The following FAM178B variants were observed in gnomAD, a reference collection of about 807,000 sequenced individuals.
FAM178B encodes the protein protein FAM178B.
In FAM178B, 82 loss-of-function variants were observed where a neutral mutation model predicts 91.7. That is an observed-to-expected ratio of 0.89 (90% CI 0.75 to 1.07). The LOEUF (loss-of-function observed/expected upper bound fraction) is 1.07, where lower values mean the gene tolerates loss of function less well. Among genes scored for constraint, FAM178B ranks in the 50% least tolerant of loss-of-function variants. The pLI, the probability that FAM178B is intolerant of heterozygous loss-of-function variation, is 0.00. For synonymous variants in FAM178B, 368 were observed against 359.4 expected (o/e 1.02, Z -0.27); for missense variants, 769 against 846.7 (o/e 0.91, Z 1.14).
chr2:96,945,559 C>T (rs1045443720), intron 8 of FAM178B, among the ~76,000 whole-genome samples: 4 of 152,042 alleles, frequency 2.6e-5, no homozygotes, highest in Admixed American at 6.5e-5. Context: ...CACGTGCGCG[C>T]GCACACACAA....
intron 9 of FAM178B, among the ~76,000 whole-genome samples, chr2:96,927,996 C>T (rs1428050406): frequency 6.6e-6 from 1 of 152,174 alleles, no homozygotes; most frequent in Non-Finnish European, 1.5e-5. Context: ...GCTGCGAGCT[C>T]CGGGAGGGAA....
At chr2:96,910,509 G>A (rs1249597864) in intron 12 of FAM178B, among the ~76,000 whole-genome samples, 4 of 152,202 alleles carry the variant, frequency 2.6e-5, no homozygotes, top group African/African-American at 9.6e-5. Context: ...CAGGGCTAAC[G>A]TTTTACTGTC....
rs55924441 is a variant in FAM178B, at chr2:96,958,697, T to TAAAAAA, written c.887+1585_887+1590dup. Among the ~76,000 whole-genome samples the TAAAAAA allele has an allele frequency of 4.7e-4, 26 of 55,534 alleles. 2 individuals are homozygous for TAAAAAA. Among genetic ancestry groups the TAAAAAA allele is most frequent in the East Asian group, 3.4e-3 (4 of 1,188 alleles). 36.4% of individuals were successfully genotyped at this position (55,534 alleles called of 152,430 possible). A position where few individuals can be genotyped will look rare whatever the true frequency, so the allele number is the denominator to read the frequency against. The stretch of plus-strand genomic sequence containing the variant: ...AGAGTGAGACTCCATCTCAAAATAC[T>TAAAAAA]AAAAAAAAAAAAAAAAAAAAAAAAA... On this transcript the variant is annotated intron_variant, in intron 6 of 16. Transcript: ENST00000490605.
chr2:96,935,174 AC>A lies in FAM178B; in HGVS notation c.1079-5855del, dbSNP rs879482047. Among the ~76,000 whole-genome samples, 551 of 152,260 alleles carry A rather than the reference AC, an allele frequency of 3.6e-3. 3 individuals are homozygous for A. The highest frequency in any genetic ancestry group is 0.013 in the African/African-American group (537 of 41,524). On this transcript the variant is annotated intron_variant, in intron 8 of 16. Transcript: ENST00000490605. Reference sequence around the variant, plus strand: ...AATGGAACAAAATTAAAACAAACAAACAAACAAAAACAAAAACAAAAGAAAA... The same window carrying A: ...AATGGAACAAAATTAAAACAAACAAAAAACAAAAACAAAAACAAAAGAAAA...
chr2:96,965,144 TACGCGTCACC>T (rs1218931877), intron 5 of FAM178B, among the ~76,000 whole-genome samples: 2 of 151,560 alleles, frequency 1.3e-5, no homozygotes, highest in Non-Finnish European at 2.9e-5. Context: ...GGATTACAGG[TACGCGTCACC>T]ACGCCCAGCT....
chr2:96,903,975 C>A (rs1236744031), intron 12 of FAM178B, among the ~76,000 whole-genome samples: 1 of 151,930 alleles, frequency 6.6e-6, no homozygotes, highest in Non-Finnish European at 1.5e-5. Flanking sequence ...CAGCACCGCA[C>A]CCCAGAAGAG....
At chr2:96,938,747 G>A (rs184210477) in intron 8 of FAM178B, among the ~76,000 whole-genome samples, 10 of 152,392 alleles carry the variant, frequency 6.6e-5, no homozygotes, top group Admixed American at 5.9e-4. Context: ...CCCATTGGGA[G>A]AGACAATATT....
intron 14 of FAM178B, among the ~76,000 whole-genome samples, chr2:96,891,399 G>C (rs2080675614): frequency 6.6e-6 from 1 of 152,238 alleles, no homozygotes; most frequent in Non-Finnish European, 1.5e-5. Context: ...GCAGAGGCTG[G>C]TCAGATGGCA....
chr2:96,934,670 G>A (rs1423668203), intron 8 of FAM178B, among the ~76,000 whole-genome samples: 1 of 152,200 alleles, frequency 6.6e-6, no homozygotes, highest in Admixed American at 6.5e-5. Flanking sequence ...TGAGAAAACC[G>A]TGTGTCTAGG....
intron 3 of FAM178B, among the ~76,000 whole-genome samples, chr2:96,971,587 T>A (rs961582331): frequency 5.9e-5 from 9 of 152,104 alleles, no homozygotes; most frequent in African/African-American, 2.2e-4. Flanking sequence ...CCCTCCTTGC[T>A]CCGGGGCCAT....
chr2:96,880,886 G>A (rs574884323), intron 14 of FAM178B, among the ~76,000 whole-genome samples: 9 of 152,178 alleles, frequency 5.9e-5, no homozygotes, highest in African/African-American at 1.7e-4. Flanking sequence ...GAGCCACCGC[G>A]CCCGGCTAAA....
At chr2:96,977,845 G>A (rs909496472) in intron 1 of FAM178B, 1 of 444,868 alleles carries the variant, frequency 2.2e-6, no homozygotes, top group Non-Finnish European at 4.4e-6. Context: ...AGCGTTGACG[G>A]TTTTTGCTGT....
intron 14 of FAM178B, among the ~76,000 whole-genome samples, chr2:96,882,809 G>C (rs949926207): frequency 6.6e-6 from 1 of 152,254 alleles, no homozygotes; most frequent in Non-Finnish European, 1.5e-5. Flanking sequence ...GTCTGAAGAC[G>C]GGACCCAGCT....
chr2:96,893,925 C>T lies in FAM178B; in HGVS notation c.1776+1G>A. 6.2e-7 allele frequency: 1 copy of T among 1,611,716 alleles called. No homozygotes were observed. Among genetic ancestry groups the T allele is most frequent in the East Asian group, 2.2e-5 (1 of 44,822 alleles). ...CAGGCGGGTGCTGGGTGCTCACTCA[C>T]CTTGTGGTCTAGCTCGGCACTAGCC... is the stretch of plus-strand genomic sequence containing the variant. On this transcript the variant is annotated splice_donor_variant, in intron 14 of 16. Transcript: ENST00000490605. LOFTEE classifies it high-confidence loss of function.
intron 8 of FAM178B, among the ~76,000 whole-genome samples, chr2:96,940,027 G>A (rs2081700575): frequency 6.6e-6 from 1 of 152,188 alleles, no homozygotes; most frequent in South Asian, 2.1e-4. Flanking sequence ...CCAAGCACAT[G>A]ACAGCTCTGA....
At chr2:96,951,147 C>T (rs746107413) in intron 7 of FAM178B, among the ~76,000 whole-genome samples, 6 of 152,188 alleles carry the variant, frequency 3.9e-5, no homozygotes, top group Non-Finnish European at 7.4e-5. Context: ...TCCCAGCGCT[C>T]GCCGCTCTGG....
At chr2:96,916,360 G>A (rs1289944750) in intron 12 of FAM178B, among the ~76,000 whole-genome samples, 1 of 152,200 alleles carries the variant, frequency 6.6e-6, no homozygotes. Flanking sequence ...GGCTGGTTTC[G>A]TGAGCCGTTT....
chr2:96,915,590 G>T (rs2081228289), intron 12 of FAM178B, among the ~76,000 whole-genome samples: 1 of 151,464 alleles, frequency 6.6e-6, no homozygotes, highest in Admixed American at 6.6e-5. Context: ...GGGCGAGGCG[G>T]GCAGATCACA....
intron 7 of FAM178B, among the ~76,000 whole-genome samples, chr2:96,949,534 G>A (rs1393048644): frequency 6.6e-6 from 1 of 152,106 alleles, no homozygotes; most frequent in African/African-American, 2.4e-5. Context: ...TCCTCCTGGG[G>A]CCCAGCATGC....
Sources: allele counts gnomAD v4.1 joint callset (sites outside exome capture counted in the v4.1 genomes callset), GRCh38; gene constraint gnomAD v4.1.1; transcripts MANE v1.5; gene names NCBI Gene and HGNC (gene_info 2026-07-23, HGNC 2026-07-21).